The following LINGO2 variants were observed in gnomAD, a reference collection of about 807,000 sequenced individuals.
The protein encoded by LINGO2 is leucine-rich repeat and immunoglobulin-like domain-containing nogo receptor-interacting protein 2.
Under a neutral mutation model 30.6 loss-of-function variants are expected in LINGO2, and 14 were observed. The ratio of observed to expected loss-of-function variants is 0.46; its 90% CI spans 0.30 to 0.72. The LOEUF is 0.72. Ranked by LOEUF, LINGO2 falls within the 30% of genes least tolerant of loss-of-function variation. LINGO2 has a pLI of 0.07. For synonymous variants in LINGO2, 317 were observed against 288.5 expected, an observed-to-expected ratio of 1.10 and a Z score of -1.00; for missense variants, 729 against 751.7, an observed-to-expected ratio of 0.97 and a Z score of 0.35.
the LINGO2 span, among the ~76,000 whole-genome samples, chr9:28,924,631 A>G: frequency 6.6e-6 from 1 of 152,192 alleles, no homozygotes; most frequent in Non-Finnish European, 1.5e-5. Flanking sequence ...TGTCCCAACT[A>G]TAGATGTTTG....
chr9:28,748,081 G>A, the LINGO2 span, among the ~76,000 whole-genome samples: 2 of 151,964 alleles, frequency 1.3e-5, no homozygotes, highest in Non-Finnish European at 2.9e-5. Context: ...TGGTGACAGG[G>A]TTCTTATTGA....
intron 1 of LINGO2, among the ~76,000 whole-genome samples, chr9:28,633,700 T>G (rs541136767): frequency 6.6e-6 from 1 of 152,208 alleles, no homozygotes; most frequent in African/African-American, 2.4e-5. Flanking sequence ...ATCACAGTAC[T>G]GTGACGCTCC....
chr9:28,833,011 G>C, the LINGO2 span, among the ~76,000 whole-genome samples: 285 of 152,186 alleles, frequency 1.9e-3, 2 homozygotes, highest in Non-Finnish European at 3.6e-3. Context: ...CGGATGGACT[G>C]GTCTTTAAGT....
intron 5 of LINGO2, among the ~76,000 whole-genome samples, chr9:27,974,681 A>C (rs1393515467): frequency 1.3e-5 from 2 of 152,160 alleles, no homozygotes; most frequent in Non-Finnish European, 2.9e-5. Context: ...TTTTGACCAT[A>C]AACAGTTGGG....
the LINGO2 span, among the ~76,000 whole-genome samples, chr9:28,789,985 C>G: frequency 1.3e-5 from 2 of 152,124 alleles, no homozygotes; most frequent in East Asian, 3.9e-4. Flanking sequence ...AGTAGTCCCC[C>G]CTTGCCCATG....
chr9:28,293,822 T>C (rs1823828111), intron 4 of LINGO2, among the ~76,000 whole-genome samples: 1 of 152,208 alleles, frequency 6.6e-6, no homozygotes, highest in Non-Finnish European at 1.5e-5. Flanking sequence ...TGGAAGTCTA[T>C]CCCAAAGTAT....
At chr9:28,250,414 T>C (rs568286677) in intron 4 of LINGO2, among the ~76,000 whole-genome samples, 1 of 152,276 alleles carries the variant, frequency 6.6e-6, no homozygotes, top group Non-Finnish European at 1.5e-5. Context: ...TCTTTTTGCC[T>C]CAGATATCCC....
intron 1 of LINGO2, among the ~76,000 whole-genome samples, chr9:28,527,545 C>A (rs1199960437): frequency 6.6e-6 from 1 of 152,078 alleles, no homozygotes; most frequent in South Asian, 2.1e-4. Context: ...GTACCCAGGG[C>A]ATTTCTATTC....
chr9:28,486,266 C>G (rs1266066638), intron 1 of LINGO2, among the ~76,000 whole-genome samples: 3 of 152,070 alleles, frequency 2.0e-5, no homozygotes, highest in Non-Finnish European at 4.4e-5. Context: ...ACAGGCACAG[C>G]AATGACAATT....
chr9:28,122,437 T>C (rs141438458), intron 4 of LINGO2, among the ~76,000 whole-genome samples: 72 of 152,320 alleles, frequency 4.7e-4, no homozygotes, highest in Admixed American at 3.9e-3. Flanking sequence ...GAAACTCACA[T>C]CTTACAGGAT....
the LINGO2 span, among the ~76,000 whole-genome samples, chr9:29,201,978 C>A: frequency 3.9e-5 from 6 of 151,996 alleles, no homozygotes; most frequent in Non-Finnish European, 7.4e-5. Context: ...CATGTTACCT[C>A]TTTTACCAAT....
intron 2 of LINGO2, among the ~76,000 whole-genome samples, chr9:28,430,458 C>T (rs575716210): frequency 2.0e-5 from 3 of 152,122 alleles, no homozygotes; most frequent in South Asian, 2.1e-4. Flanking sequence ...CTTCTATGAG[C>T]CTTTGTTCAC....
chr9:27,969,334 C>T (rs958544002), intron 5 of LINGO2, among the ~76,000 whole-genome samples: 2 of 151,892 alleles, frequency 1.3e-5, no homozygotes, highest in African/African-American at 4.8e-5. Context: ...TTCAGTTTTC[C>T]AACAAGAAAA....
At chr9:28,208,388 C>G (rs989564962) in intron 4 of LINGO2, among the ~76,000 whole-genome samples, 1 of 151,950 alleles carries the variant, frequency 6.6e-6, no homozygotes, top group African/African-American at 2.4e-5. Flanking sequence ...ATATATCTTA[C>G]GGCAAATCTT....
chr9:27,967,363 A>C (rs1820150673), intron 5 of LINGO2, among the ~76,000 whole-genome samples: 1 of 152,142 alleles, frequency 6.6e-6, no homozygotes, highest in African/African-American at 2.4e-5. Context: ...AGGTTTTCAT[A>C]AACCAGACCC....
At chr9:29,104,361 C>G in the LINGO2 span, among the ~76,000 whole-genome samples, 1 of 152,010 alleles carries the variant, frequency 6.6e-6, no homozygotes, top group African/African-American at 2.4e-5. Context: ...TCCCCTTTCA[C>G]TCTCTCTCCT....
At chr9:28,576,320 TATA>T (rs1239015514) in intron 1 of LINGO2, among the ~76,000 whole-genome samples, 16 of 152,222 alleles carry the variant, frequency 1.1e-4, no homozygotes, top group Non-Finnish European at 2.1e-4. Flanking sequence ...AAATTTGAAG[TATA>T]GTTTCTGCTA....
At chr9:28,808,497 T>C in the LINGO2 span, among the ~76,000 whole-genome samples, 4 of 152,196 alleles carry the variant, frequency 2.6e-5, no homozygotes. Context: ...AGTGAAACAA[T>C]TATCTGAGGA....
intron 4 of LINGO2, among the ~76,000 whole-genome samples, chr9:28,227,509 C>T (rs1031839204): frequency 6.6e-6 from 1 of 151,964 alleles, no homozygotes; most frequent in Non-Finnish European, 1.5e-5. Context: ...TATATTGTTC[C>T]ATTCTCCCCT....
Sources: gnomAD v4.1 joint callset for allele counts (sites outside exome capture counted in the v4.1 genomes callset) on GRCh38, gnomAD v4.1.1 for gene constraint, MANE v1.5 for transcripts, NCBI Gene and HGNC (gene_info 2026-07-23, HGNC 2026-07-21) for gene names.